CIP2A: variants seen among roughly 807,000 people sequenced by gnomAD.
CIP2A encodes protein CIP2A.
A neutral mutation model predicts 110.9 loss-of-function variants in CIP2A; 103 were observed. The ratio of observed to expected loss-of-function variants is 0.93; its 90% CI spans 0.79 to 1.09. The LOEUF (loss-of-function observed/expected upper bound fraction) is 1.09, where lower values mean the gene tolerates loss of function less well. CIP2A is among the 50% of genes least tolerant of loss of function. The probability of loss-of-function intolerance (pLI) is 0.00; values close to 1 mark genes in which losing one functional copy is unlikely to be tolerated. For missense variants in CIP2A, 1,088 were observed against 1,038.4 expected (o/e 1.05, Z -0.66); for synonymous variants, 381 against 361.6 (o/e 1.05, Z -0.61).
At chr3:108,577,619 G>A (rs1286973342) in intron 7 of CIP2A, among the ~76,000 whole-genome samples, 1 of 152,094 alleles carries the variant, frequency 6.6e-6, no homozygotes, top group Non-Finnish European at 1.5e-5. Flanking sequence ...TCAAAGACCG[G>A]CCAGGCCAGC....
At position 108,551,307 on chromosome 3, in the gene CIP2A, C is replaced by G. The variant is rs143601083; in HGVS notation, c.2560G>C (p.Glu854Gln). Residue 854 changes from glutamate to glutamine, a missense_variant, in exon 21 of 21, where the codon GAG (glutamate) becomes CAG (glutamine). Transcript: ENST00000295746. ...KELSIKASSL[E>Q]VQKAQLEGRL... ...CCTTCTAATTGTGCCTTTTGAACCT[C>G]TAGGGAGGAAGCCTAAGGAATTGGG... is the stretch of plus-strand genomic sequence containing the variant. 61 of 1,607,506 alleles carry G rather than the reference C, an allele frequency of 3.8e-5. No homozygotes were observed. The African/African-American group carries it at 6.0e-4, about 16-fold the overall frequency.
chr3:108,587,286 C>T (rs1179367416), intron 1 of CIP2A, among the ~76,000 whole-genome samples: 1 of 152,040 alleles, frequency 6.6e-6, no homozygotes, highest in Non-Finnish European at 1.5e-5. Flanking sequence ...TGCCTATCAA[C>T]AGGAAAGTGT....
At chr3:108,557,792 A>C (rs1432015433) in intron 16 of CIP2A, among the ~76,000 whole-genome samples, 2 of 152,192 alleles carry the variant, frequency 1.3e-5, no homozygotes, top group Non-Finnish European at 2.9e-5. Flanking sequence ...AGAATTAAGA[A>C]CAAAATCTTA....
chr3:108,553,711 CTA>C lies in CIP2A; in HGVS notation c.2342_2343del (p.Ile781ArgfsTer19). 1 of 1,480,748 alleles carries C rather than the reference CTA, an allele frequency of 6.8e-7. No homozygotes were observed. Among genetic ancestry groups the C allele is most frequent in the Non-Finnish European group, 9.4e-7 (1 of 1,062,140 alleles). 91.7% of individuals were successfully genotyped at this position (1,480,748 alleles called of 1,614,324 possible). A position where few individuals can be genotyped will look rare whatever the true frequency, so the allele number is the denominator to read the frequency against. Reference sequence around the variant, plus strand: ...ACTTCTTTTCTCTGTTCTTCTTTCTCTATTAATTGGGCAATACTTCTGAAGTT... The same window carrying C: ...ACTTCTTTTCTCTGTTCTTCTTTCTCTTAATTGGGCAATACTTCTGAAGTT... ...EQNEKSIAQL[I>X]EKEEQRKEVQ... On this transcript the variant is annotated frameshift_variant, in exon 19 of 21. Transcript: ENST00000295746. LOFTEE classifies it high-confidence loss of function.
chr3:108,563,467 G>C (rs986595656), intron 12 of CIP2A, among the ~76,000 whole-genome samples: 2 of 151,806 alleles, frequency 1.3e-5, no homozygotes, highest in Admixed American at 6.6e-5. Context: ...AAAAAATCTG[G>C]CAAAGGTTTT....
At chr3:108,583,218 T>C in intron 2 of CIP2A, 135 bp from the exon 3 acceptor site, 2 of 442,708 alleles carry the variant, frequency 4.5e-6, no homozygotes, top group African/African-American at 2.0e-5. Context: ...TTCTTTATGA[T>C]AACCCTCCAA....
chr3:108,569,181 T>TATATAC lies in CIP2A; in HGVS notation c.1113+207_1113+208insGTATAT. On this transcript the variant is annotated intron_variant, in intron 9 of 20. Coordinates refer to ENST00000295746, the MANE Select transcript of CIP2A (RefSeq NM_020890.3). ...CTGAAATGAGCACTATATATATATA[T>TATATAC]ACATACACACTACTCAGTGAAAAAA... Among the ~76,000 whole-genome samples, 6 of 58,282 alleles carry TATATAC rather than the reference T, an allele frequency of 1.0e-4. 2 individuals carry two copies. The highest frequency in any genetic ancestry group is 9.2e-5 in the African/African-American group (2 of 21,746). 38.2% of individuals were successfully genotyped at this position (58,282 alleles called of 152,430 possible).
intron 20 of CIP2A, 95 bp from the exon 21 acceptor site, chr3:108,551,414 T>TA: frequency 1.2e-6 from 1 of 859,352 alleles, no homozygotes. Context: ...TTTTATTTTT[T>TA]ATTGTACAAC....
intron 8 of CIP2A, among the ~76,000 whole-genome samples, chr3:108,575,527 C>A (rs1177928157): frequency 6.7e-6 from 1 of 148,646 alleles, no homozygotes; most frequent in African/African-American, 2.6e-5. Flanking sequence ...TACATATATA[C>A]ACGTATATAT....
At chr3:108,563,461 A>T (rs1454843076) in intron 12 of CIP2A, among the ~76,000 whole-genome samples, 1 of 152,088 alleles carries the variant, frequency 6.6e-6, no homozygotes, top group Non-Finnish European at 1.5e-5. Context: ...AGTTTAAAAA[A>T]ATCTGGCAAA....
intron 2 of CIP2A, 73 bp from the exon 3 acceptor site, chr3:108,583,156 ATT>A (rs1478837785): frequency 1.4e-6 from 1 of 716,756 alleles, no homozygotes; most frequent in East Asian, 3.2e-5. Context: ...TACAGAATTT[ATT>A]TCATATGAAT....
At chr3:108,589,044 A>G (rs1455630203) in intron 1 of CIP2A, among the ~76,000 whole-genome samples, 1 of 152,158 alleles carries the variant, frequency 6.6e-6, no homozygotes, top group African/African-American at 2.4e-5. Context: ...GAACTTCCCA[A>G]CCTTTTGCCC....
In CIP2A at chr3:108,579,548, T is replaced by A. The variant is rs779838283; in HGVS notation, c.672+18A>T. 7.0e-6 allele frequency: 11 copies of A among 1,575,864 alleles called. No individual in the cohort carries two copies. The highest frequency in any genetic ancestry group is 2.4e-5 in the South Asian group (2 of 84,724). ...TCAGACTATAAACTTCAGAATAAAT[T>A]TGAAAAATTGTATTTACCTTTTCCC... On this transcript the variant is annotated intron_variant, in intron 6 of 20. Coordinates refer to ENST00000295746, the MANE Select transcript of CIP2A (RefSeq NM_020890.3).
At chr3:108,572,076 T>C (rs1346526327) in intron 8 of CIP2A, among the ~76,000 whole-genome samples, 1 of 152,066 alleles carries the variant, frequency 6.6e-6, no homozygotes, top group Non-Finnish European at 1.5e-5. Flanking sequence ...TGTAGAAAAA[T>C]AATATATTTT....
chr3:108,565,146 T>C (rs1252203672), intron 12 of CIP2A, among the ~76,000 whole-genome samples: 1 of 151,884 alleles, frequency 6.6e-6, no homozygotes, highest in African/African-American at 2.4e-5. Flanking sequence ...ATTAGTGTCA[T>C]GAGCACTTAT....
In CIP2A at chr3:108,551,082, C is replaced by G. The variant is rs571008933; in HGVS notation, c.*67G>C. 4 of 479,166 alleles carry G rather than the reference C, an allele frequency of 8.3e-6. No homozygotes were observed. In the Middle Eastern group the frequency reaches 2.3e-3, roughly 270 times the overall value. The allele number at this position is 479,166 out of a possible 1,614,324, so 29.7% of individuals were successfully genotyped here. On this transcript the variant is annotated 3_prime_UTR_variant, in exon 21 of 21. Coordinates refer to ENST00000295746, the MANE Select transcript of CIP2A (RefSeq NM_020890.3). The stretch of plus-strand genomic sequence containing the variant: ...AGTCACAAATTAACTCCCCTACCCA[C>G]CCCCCCTCCAATAGATAAATACATC...
chr3:108,580,417 T>A (rs1223839574), intron 5 of CIP2A, among the ~76,000 whole-genome samples: 1 of 139,932 alleles, frequency 7.1e-6, no homozygotes, highest in South Asian at 2.3e-4. Flanking sequence ...ATGAACTTTT[T>A]TTTCAATTCA....
Position 108,553,894 on chromosome 3 carries a change from T to TACAAAAAAAAAAAA in CIP2A, c.2325-165_2325-164insTTTTTTTTTTTTGT, listed in dbSNP as rs1303036231. On this transcript the variant is annotated intron_variant, in intron 18 of 20. Coordinates refer to ENST00000295746, the MANE Select transcript of CIP2A (RefSeq NM_020890.3). Reference sequence around the variant, plus strand: ...GGTGAAACCCCGTCTCTACTAAAAATATAAAAAAAAAAAAAAAAAAAAAAA... The same window carrying TACAAAAAAAAAAAA: ...GGTGAAACCCCGTCTCTACTAAAAATACAAAAAAAAAAAAATAAAAAAAAAAAAAAAAAAAAAAA... Among the ~76,000 whole-genome samples the TACAAAAAAAAAAAA allele has an allele frequency of 4.2e-3, 209 of 49,718 alleles. 84 individuals carry two copies. The highest frequency in any genetic ancestry group is 0.036 in the Middle Eastern group (2 of 56). 32.6% of individuals were successfully genotyped at this position (49,718 alleles called of 152,430 possible).
intron 1 of CIP2A, among the ~76,000 whole-genome samples, chr3:108,588,969 C>A (rs74796367): frequency 1.3e-5 from 2 of 152,244 alleles, no homozygotes; most frequent in East Asian, 3.9e-4. Context: ...GTAGAAAAAC[C>A]AAAACTAGAA....
Sources: gnomAD v4.1 joint callset for allele counts (sites outside exome capture counted in the v4.1 genomes callset) on GRCh38, gnomAD v4.1.1 for gene constraint, MANE v1.5 for transcripts, NCBI Gene and HGNC (gene_info 2026-07-23, HGNC 2026-07-21) for gene names.